EFNB2: variants seen among roughly 807,000 people sequenced by gnomAD.
EFNB2 encodes the protein ephrin B2, also known as ephrin-B2.
EFNB2 carries 5 observed loss-of-function variants against 32.1 expected under a neutral mutation model. The ratio of observed to expected loss-of-function variants is 0.16; its 90% CI spans 0.08 to 0.33. The LOEUF (loss-of-function observed/expected upper bound fraction) is 0.33, where lower values mean the gene tolerates loss of function less well. Among genes scored for constraint, EFNB2 ranks in the 10% least tolerant of loss-of-function variants. The pLI is 1.00. For missense variants in EFNB2, 263 were observed against 422.6 expected, an observed-to-expected ratio of 0.62 and a Z score of 3.31; for synonymous variants, 168 against 166.5, an observed-to-expected ratio of 1.01 and a Z score of -0.07.
chr13:106,519,613 T>G (rs1249330515), intron 1 of EFNB2: 1 of 152,214 alleles, frequency 6.6e-6, no homozygotes, highest in Non-Finnish European at 1.5e-5. Flanking sequence ...CAGTTGAAAA[T>G]ATACACATCA....
At chr13:106,496,669 G>A (rs918936108) in intron 2 of EFNB2, among the ~76,000 whole-genome samples, 5 of 151,472 alleles carry the variant, frequency 3.3e-5, no homozygotes, top group African/African-American at 1.2e-4. Context: ...GTGGAAGGAA[G>A]GACAGAATCA....
chr13:106,509,904 C>T (rs1009460474), intron 2 of EFNB2: 19 of 152,336 alleles, frequency 1.2e-4, no homozygotes, highest in African/African-American at 4.3e-4. Context: ...ACGCCTTCCT[C>T]TGCCTACGCC....
Position 106,490,000 on chromosome 13 carries a change from C to A in EFNB2, c.*3040G>T, listed in dbSNP as rs1370372366. Reference sequence around the variant, plus strand: ...ATATTCATGGTACATAATTACGGCACAAATATGCAGCAATTTGGCAACCTT... The same window carrying A: ...ATATTCATGGTACATAATTACGGCAAAAATATGCAGCAATTTGGCAACCTT... On this transcript the variant is annotated 3_prime_UTR_variant, in exon 5 of 5. Transcript: ENST00000646441. 1 of 152,570 alleles carries A rather than the reference C, an allele frequency of 6.6e-6. No homozygotes were observed. 9.5% of individuals were successfully genotyped at this position (152,570 alleles called of 1,614,324 possible). A position where few individuals can be genotyped will look rare whatever the true frequency, so the allele number is the denominator to read the frequency against.
Position 106,493,817 on chromosome 13 carries a change from G to A in EFNB2, c.614-389C>T, listed in dbSNP as rs983918731. On this transcript the variant is annotated intron_variant, in intron 4 of 4. Coordinates refer to ENST00000646441, the MANE Select transcript of EFNB2 (RefSeq NM_004093.4). This position sits in a 1 kb window ranked among gnomAD's most constrained non-coding sequence, Gnocchi z 6.1. ...AGCGTTTATGTGGTATTGCTCTTCC[G>A]CCTCCTTTGAGAAAGGGAGTTTCAT... is the stretch of plus-strand genomic sequence containing the variant. 6.6e-6 allele frequency among the ~76,000 whole-genome samples: 1 copy of A among 152,120 alleles called. No homozygotes were observed.
At chr13:106,496,979 C>G (rs1365191232) in intron 2 of EFNB2, among the ~76,000 whole-genome samples, 1 of 152,156 alleles carries the variant, frequency 6.6e-6, no homozygotes, top group East Asian at 1.9e-4. Context: ...TTATCAAAGT[C>G]TTGGCTTGTA....
In EFNB2 at chr13:106,510,992, C is replaced by T. The variant is rs112418473; in HGVS notation, c.406+1537G>A. Among the ~76,000 whole-genome samples, 1,094 of 151,940 alleles carry T rather than the reference C, an allele frequency of 7.2e-3. 4 individuals carry two copies. The highest frequency in any genetic ancestry group is 0.013 in the South Asian group (62 of 4,796). Reference sequence around the variant, plus strand: ...CCAGCCTGACGAAAGAGAGAGACTCCGTCTCAAAAATAAAATAAAATAAAA... The same window carrying T: ...CCAGCCTGACGAAAGAGAGAGACTCTGTCTCAAAAATAAAATAAAATAAAA... On this transcript the variant is annotated intron_variant, in intron 2 of 4. Coordinates refer to ENST00000646441, the MANE Select transcript of EFNB2 (RefSeq NM_004093.4).
Position 106,493,383 on chromosome 13 carries a change from ATGT to A in EFNB2, c.656_658del (p.Asn219del). On this transcript the variant is annotated inframe_deletion, in exon 5 of 5. Transcript: ENST00000646441. This position sits in a 1 kb window ranked among gnomAD's most constrained non-coding sequence, Gnocchi z 6.1. ...AAATAAGGCCACTTCGGAACCGAGG[ATGT>A]TGTTCCCCGAATGTCCGGCGCTGTT... The A allele has an allele frequency of 1.2e-6, 2 of 1,614,082 alleles. No homozygotes were observed.
Position 106,512,782 on chromosome 13 carries a change from G to A in EFNB2, c.153C>T (p.Tyr51=), listed in dbSNP as rs751705765. Residue 51 remains tyrosine, a synonymous_variant, in exon 2 of 5, where the codon TAC becomes TAT. Transcript: ENST00000646441. ...TATCCAATTTGTCTCCTATCTGTGG[G>A]TATAGTACCAGTCCTTGTCCAGGTA... is the stretch of plus-strand genomic sequence containing the variant. ...KFLPGQGLVL[Y]PQIGDKLDII... is the part of the protein sequence containing the mutation. 3.7e-6 allele frequency: 6 copies of A among 1,609,876 alleles called. No individual in the cohort carries two copies. The East Asian group carries it at 6.7e-5, about 18-fold the overall frequency.
In EFNB2 at chr13:106,492,917, T is replaced by A; in HGVS notation, c.*123A>T. On this transcript the variant is annotated 3_prime_UTR_variant, in exon 5 of 5. Coordinates refer to ENST00000646441, the MANE Select transcript of EFNB2 (RefSeq NM_004093.4). The surrounding 1 kb of genome is among the most constrained non-coding windows in gnomAD (Gnocchi z 5.1). ...CGCGACGGGCTCTTCCGAGGAGGAG[T>A]GTCCCTCTCCCCCGGTGCTGTGCTT... 7.7e-7 allele frequency: 1 copy of A among 1,301,852 alleles called. No homozygotes were observed. The highest frequency in any genetic ancestry group is 1.0e-6 in the Non-Finnish European group (1 of 956,324). The allele number at this position is 1,301,852 out of a possible 1,614,324, so 80.6% of individuals were successfully genotyped here.
At chr13:106,513,559 C>A (rs780857107) in intron 1 of EFNB2, among the ~76,000 whole-genome samples, 9 of 152,086 alleles carry the variant, frequency 5.9e-5, no homozygotes, top group Middle Eastern at 3.2e-3. Flanking sequence ...AGAAGCAAAT[C>A]TTTAGAACTA....
At position 106,518,210 on chromosome 13, in the gene EFNB2, CG is replaced by C. The variant is rs1879380671; in HGVS notation, c.123-5399del. The C allele has an allele frequency of 1.3e-5, 2 of 152,024 alleles. No individual in the cohort carries two copies. Among genetic ancestry groups the C allele is most frequent in the African/African-American group, 2.4e-5 (1 of 41,374 alleles). 9.4% of individuals were successfully genotyped at this position (152,024 alleles called of 1,614,324 possible). A position where few individuals can be genotyped will look rare whatever the true frequency, so the allele number is the denominator to read the frequency against. On this transcript the variant is annotated intron_variant, in intron 1 of 4. Transcript: ENST00000646441. This position sits in a 1 kb window ranked among gnomAD's most constrained non-coding sequence, Gnocchi z 4.1. ...ACACTTAGCTGGGCATGGTGGCGGG[CG>C]CCTGTAGTCCTAGTTACTCGGAGGC... is the stretch of plus-strand genomic sequence containing the variant.
chr13:106,499,175 T>C (rs1878691162), intron 2 of EFNB2, among the ~76,000 whole-genome samples: 1 of 152,030 alleles, frequency 6.6e-6, no homozygotes, highest in Admixed American at 6.6e-5. Flanking sequence ...CTTCCCATAG[T>C]GAAAATCACC....
rs1197387451 is a variant in EFNB2, at chr13:106,493,957, C to T, written c.614-529G>A. On this transcript the variant is annotated intron_variant, in intron 4 of 4. Transcript: ENST00000646441. The surrounding 1 kb of genome is among the most constrained non-coding windows in gnomAD (Gnocchi z 6.1). ...CTGGGAAAATGTTCAGCTCGTAACT[C>T]GTCTGTATTATTTGATTTACACTTA... Among the ~76,000 whole-genome samples the T allele has an allele frequency of 1.3e-5, 2 of 152,206 alleles. No individual in the cohort carries two copies. The highest frequency in any genetic ancestry group is 2.9e-5 in the Non-Finnish European group (2 of 68,044).
At chr13:106,509,415 G>A (rs1163691483) in intron 2 of EFNB2, among the ~76,000 whole-genome samples, 1 of 152,066 alleles carries the variant, frequency 6.6e-6, no homozygotes, top group Non-Finnish European at 1.5e-5. Flanking sequence ...CTCAGATTTG[G>A]GGTTAAACCC....
intron 4 of EFNB2, among the ~76,000 whole-genome samples, chr13:106,494,524 T>C (rs1378249490): frequency 1.3e-5 from 2 of 152,214 alleles, no homozygotes; most frequent in African/African-American, 4.8e-5. Flanking sequence ...TATAATTAGA[T>C]GAGGGATTAG....
chr13:106,534,157 T>C (rs1879976584), intron 1 of EFNB2, among the ~76,000 whole-genome samples: 1 of 152,106 alleles, frequency 6.6e-6, no homozygotes, highest in Admixed American at 6.5e-5. Flanking sequence ...GCTACCGGCT[T>C]ATGAACGAAG....
At chr13:106,517,931 A>T (rs902454351) in intron 1 of EFNB2, 2 of 152,236 alleles carry the variant, frequency 1.3e-5, no homozygotes, top group African/African-American at 4.8e-5. Flanking sequence ...CTACATGGAT[A>T]CTTTGGCTAA....
At chr13:106,496,293 T>C (rs1165942406) in intron 2 of EFNB2, among the ~76,000 whole-genome samples, 1 of 152,220 alleles carries the variant, frequency 6.6e-6, no homozygotes, top group Non-Finnish European at 1.5e-5. Flanking sequence ...CTTGACGCTC[T>C]GTTTGTCAAG....
At chr13:106,496,337 T>C (rs1878589393) in intron 2 of EFNB2, among the ~76,000 whole-genome samples, 1 of 152,210 alleles carries the variant, frequency 6.6e-6, no homozygotes, top group Non-Finnish European at 1.5e-5. Context: ...ACCAGGAGCC[T>C]CCCACAACCC....
Sources: allele counts gnomAD v4.1 joint callset (sites outside exome capture counted in the v4.1 genomes callset), GRCh38; gene constraint gnomAD v4.1.1; non-coding constraint Gnocchi (gnomAD v3.1); transcripts MANE v1.5; gene names NCBI Gene and HGNC (gene_info 2026-07-23, HGNC 2026-07-21).